Variants in CELF2 observed in about 807,000 individuals in gnomAD.
CELF2 encodes the protein CUGBP Elav-like family member 2.
In CELF2, 8 loss-of-function variants were observed where a neutral mutation model predicts 62.6. That is an observed-to-expected ratio of 0.13 (90% CI 0.07 to 0.23). CELF2 has a LOEUF of 0.23. Among genes scored for constraint, CELF2 ranks in the 10% least tolerant of loss-of-function variants. CELF2 has a pLI of 1.00. For synonymous variants in CELF2, 258 were observed against 250.0 expected, an observed-to-expected ratio of 1.03 and a Z score of -0.30; for missense variants, 333 against 671.0, an observed-to-expected ratio of 0.50 and a Z score of 5.56.
chr10:10,873,447 T>A (rs1317743744), intron 1 of CELF2, among the ~76,000 whole-genome samples: 1 of 152,188 alleles, frequency 6.6e-6, no homozygotes, highest in Non-Finnish European at 1.5e-5. Context: ...AAACAGGGTT[T>A]CTTTAGTGAC....
chr10:10,874,378 A>G (rs2060953766), intron 1 of CELF2, among the ~76,000 whole-genome samples: 1 of 152,118 alleles, frequency 6.6e-6, no homozygotes, highest in South Asian at 2.1e-4. Flanking sequence ...AAGAAAGAAA[A>G]TAAAAAAGAA....
At chr10:10,965,988 A>G (rs891940761) in intron 2 of CELF2, among the ~76,000 whole-genome samples, 1 of 152,206 alleles carries the variant, frequency 6.6e-6, no homozygotes, top group African/African-American at 2.4e-5. Context: ...TGTCTCCCTA[A>G]CACAAAATAT....
intron 1 of CELF2, among the ~76,000 whole-genome samples, chr10:10,800,775 T>C (rs1225243529): frequency 1.3e-5 from 2 of 152,238 alleles, no homozygotes; most frequent in Non-Finnish European, 2.9e-5. Context: ...GTTTAAACTT[T>C]ATTTTTAACT....
chr10:10,723,444 T>A, the CELF2 span, among the ~76,000 whole-genome samples: 1 of 152,188 alleles, frequency 6.6e-6, no homozygotes, highest in Non-Finnish European at 1.5e-5. Context: ...ACTCCATGAG[T>A]GTTTTGCAAA....
intron 1 of CELF2, among the ~76,000 whole-genome samples, chr10:11,116,334 C>G (rs1242674307): frequency 6.6e-6 from 1 of 152,196 alleles, no homozygotes; most frequent in Non-Finnish European, 1.5e-5. Flanking sequence ...AGTCTGTTGA[C>G]TTAGTTTGAC....
At chr10:10,494,985 A>G in the CELF2 span, among the ~76,000 whole-genome samples, 3 of 152,040 alleles carry the variant, frequency 2.0e-5, no homozygotes, top group Non-Finnish European at 4.4e-5. Flanking sequence ...TCAAAAATTT[A>G]CCTCTTTGTG....
chr10:11,317,222 G>C (rs1353635075), intron 10 of CELF2: 1 of 151,540 alleles, frequency 6.6e-6, no homozygotes, highest in Admixed American at 6.6e-5. Flanking sequence ...AAGTGTCTAT[G>C]GAAATATTTT....
chr10:10,518,689 C>T, the CELF2 span, among the ~76,000 whole-genome samples: 2,079 of 150,758 alleles, frequency 0.014, 47 homozygotes, highest in African/African-American at 0.049. Flanking sequence ...TGGTGGACAT[C>T]AGAGTAGATA....
At chr10:10,696,856 G>T in the CELF2 span, among the ~76,000 whole-genome samples, 1 of 152,200 alleles carries the variant, frequency 6.6e-6, no homozygotes, top group African/African-American at 2.4e-5. Flanking sequence ...CACGGTGCGT[G>T]CACCCAATGA....
At chr10:10,754,715 G>A in the CELF2 span, among the ~76,000 whole-genome samples, 1 of 152,174 alleles carries the variant, frequency 6.6e-6, no homozygotes, top group African/African-American at 2.4e-5. Flanking sequence ...CAAAAATACT[G>A]ATAACTTGAC....
chr10:11,174,088 G>A (rs2070053593), intron 2 of CELF2, among the ~76,000 whole-genome samples: 2 of 152,124 alleles, frequency 1.3e-5, no homozygotes, highest in Admixed American at 1.3e-4. Flanking sequence ...GTGAACTAGA[G>A]CTCTTACCTA....
the CELF2 span, among the ~76,000 whole-genome samples, chr10:10,571,280 G>T: frequency 6.6e-6 from 1 of 152,162 alleles, no homozygotes; most frequent in African/African-American, 2.4e-5. Flanking sequence ...AAATCTATTA[G>T]TAAAGAACGT....
chr10:11,096,610 A>G (rs547197730), intron 1 of CELF2, among the ~76,000 whole-genome samples: 1 of 152,334 alleles, frequency 6.6e-6, no homozygotes, highest in Non-Finnish European at 1.5e-5. Context: ...GTTGGGTTGT[A>G]TGGCCAGACT....
chr10:11,054,291 T>C (rs2064654526), intron 1 of CELF2, among the ~76,000 whole-genome samples: 1 of 152,230 alleles, frequency 6.6e-6, no homozygotes, highest in Non-Finnish European at 1.5e-5. Flanking sequence ...TGATCTTTCA[T>C]CTTGCCCTTA....
At position 11,110,221 on chromosome 10, in the gene CELF2, C is replaced by A. The variant is rs576358795; in HGVS notation, c.75-55265C>A. ...CCTGAGAGGTCAAGGCTGCATGGAA[C>A]CCTGAACGTCCTACCGCACTCCAGC... On this transcript the variant is annotated intron_variant, in intron 1 of 12. Transcript: ENST00000633077. The surrounding 1 kb of genome is among the most constrained non-coding windows in gnomAD (Gnocchi z 4.0). Among the ~76,000 whole-genome samples, 1 of 152,218 alleles carries A rather than the reference C, an allele frequency of 6.6e-6. No individual in the cohort carries two copies. Among genetic ancestry groups the A allele is most frequent in the South Asian group, 2.1e-4 (1 of 4,828 alleles).
chr10:10,547,692 A>AGAGTGTGT, the CELF2 span, among the ~76,000 whole-genome samples: 50 of 138,112 alleles, frequency 3.6e-4, no homozygotes, highest in African/African-American at 8.9e-4. Flanking sequence ...AGAGAGAGAG[A>AGAGTGTGT]GTGTGTGTGT....
At chr10:11,123,777 A>G (rs1030076145) in intron 1 of CELF2, among the ~76,000 whole-genome samples, 4 of 151,064 alleles carry the variant, frequency 2.6e-5, no homozygotes, top group Non-Finnish European at 5.9e-5. Context: ...TCTAAGATGA[A>G]AAACAAGGAA....
the CELF2 span, among the ~76,000 whole-genome samples, chr10:10,681,824 C>T: frequency 1.3e-5 from 2 of 152,108 alleles, no homozygotes; most frequent in Non-Finnish European, 2.9e-5. Context: ...CACTGACAAC[C>T]ATGAAAATGA....
chr10:11,179,530 C>G (rs539811227), intron 2 of CELF2, among the ~76,000 whole-genome samples: 4 of 152,328 alleles, frequency 2.6e-5, no homozygotes, highest in Admixed American at 6.5e-5. Context: ...TGATCCACCA[C>G]TAACTTACCC....
Sources: gnomAD v4.1 joint callset for allele counts (sites outside exome capture counted in the v4.1 genomes callset) on GRCh38, gnomAD v4.1.1 for gene constraint, Gnocchi (gnomAD v3.1) non-coding constraint, MANE v1.5 for transcripts, NCBI Gene and HGNC (gene_info 2026-07-23, HGNC 2026-07-21) for gene names.